RMST: variants seen among roughly 807,000 people sequenced by gnomAD.
RMST encodes rhabdomyosarcoma 2 associated transcript.
At chr12:97,524,075 C>CAAAA (rs537840796) in intron 10 of RMST, among the ~76,000 whole-genome samples, 2 of 56,130 alleles carry the variant, frequency 3.6e-5, no homozygotes, top group Non-Finnish European at 6.5e-5. Context: ...GACTCTGTCT[C>CAAAA]AAAAAAAAAA....
chr12:97,560,301 A>G (rs1362415974), intron 11 of RMST, among the ~76,000 whole-genome samples: 1 of 152,238 alleles, frequency 6.6e-6, no homozygotes, highest in East Asian at 1.9e-4. Context: ...AAAGTGTCTT[A>G]GAAAATAATG....
intron 10 of RMST, among the ~76,000 whole-genome samples, chr12:97,505,432 GT>G (rs1349161185): frequency 6.6e-6 from 1 of 152,218 alleles, no homozygotes; most frequent in Non-Finnish European, 1.5e-5. Context: ...CAGATGCTTG[GT>G]TCTGACAACA....
chr12:97,473,555 C>T (rs1372196957), intron 5 of RMST, among the ~76,000 whole-genome samples: 1 of 152,100 alleles, frequency 6.6e-6, no homozygotes, highest in Non-Finnish European at 1.5e-5. Flanking sequence ...GATAGGCTAA[C>T]ACATTCTATG....
chr12:97,470,121 C>G (rs536278230), intron 5 of RMST, among the ~76,000 whole-genome samples: 3 of 152,066 alleles, frequency 2.0e-5, no homozygotes, highest in African/African-American at 7.2e-5. Context: ...GGGTCAAAGC[C>G]GTTGGCTCCC....
At chr12:97,486,991 C>T (rs997476348) in intron 5 of RMST, among the ~76,000 whole-genome samples, 9 of 152,150 alleles carry the variant, frequency 5.9e-5, no homozygotes, top group African/African-American at 1.9e-4. Flanking sequence ...CAGGGAGATG[C>T]GGAGCCTGAG....
chr12:97,511,103 G>A (rs1227323664), intron 10 of RMST, among the ~76,000 whole-genome samples: 4 of 150,658 alleles, frequency 2.7e-5, no homozygotes, highest in Non-Finnish European at 5.9e-5. Flanking sequence ...CAGGGAAAAT[G>A]TTTAGTGGGC....
At chr12:97,525,373 G>T (rs892629024) in intron 10 of RMST, among the ~76,000 whole-genome samples, 1 of 152,132 alleles carries the variant, frequency 6.6e-6, no homozygotes, top group Non-Finnish European at 1.5e-5. Flanking sequence ...AGGCATTAGC[G>T]GGTGGATCAT....
intron 11 of RMST, among the ~76,000 whole-genome samples, chr12:97,543,717 G>A (rs1882726779): frequency 6.6e-6 from 1 of 151,882 alleles, no homozygotes; most frequent in Non-Finnish European, 1.5e-5. Flanking sequence ...GGTGGGGGCT[G>A]CTATTCTCCC....
intron 11 of RMST, among the ~76,000 whole-genome samples, chr12:97,547,533 C>T (rs1353982600): frequency 6.6e-6 from 1 of 152,090 alleles, no homozygotes; most frequent in Non-Finnish European, 1.5e-5. Flanking sequence ...ACTCCCCTTT[C>T]TACACATCCA....
chr12:97,537,256 T>C (rs758572729), intron 11 of RMST, among the ~76,000 whole-genome samples: 22 of 151,452 alleles, frequency 1.5e-4, no homozygotes, highest in Non-Finnish European at 3.0e-4. Context: ...TTAGAATTCA[T>C]TAACCATTTG....
At chr12:97,498,620 A>G (rs1319440565) in intron 10 of RMST, among the ~76,000 whole-genome samples, 1 of 152,118 alleles carries the variant, frequency 6.6e-6, no homozygotes, top group East Asian at 1.9e-4. Context: ...GTTGCCTAAA[A>G]TTACCTGATA....
In RMST at chr12:97,553,736, G is replaced by A. The variant is rs948503560; in HGVS notation, n.1546-6801G>A. Among the ~76,000 whole-genome samples the A allele has an allele frequency of 4.6e-5, 7 of 151,868 alleles. No individual in the cohort carries two copies. In the East Asian group the frequency reaches 1.4e-3, roughly 29 times the overall value. On this transcript the variant is annotated intron_variant and non_coding_transcript_variant, in intron 11 of 13. Transcript: ENST00000640149. ...TGTAGACTCAAATCAAATAAGCCTG[G>A]GTTTGAGTCCCAGCATCAATACCTA... is the stretch of plus-strand genomic sequence containing the variant.
chr12:97,484,749 G>A (rs1416296383), intron 5 of RMST, among the ~76,000 whole-genome samples: 1 of 152,130 alleles, frequency 6.6e-6, no homozygotes, highest in Admixed American at 6.5e-5. Context: ...TGTAAACTAA[G>A]ACTATTAATA....
intron 5 of RMST, among the ~76,000 whole-genome samples, chr12:97,480,089 C>CTTTTTTTTTTTT (rs369247317): frequency 1.1e-5 from 1 of 90,992 alleles, no homozygotes; most frequent in African/African-American, 3.8e-5. Flanking sequence ...TTTCTTTTTT[C>CTTTTTTTTTTTT]TTTTTTTTTC....
intron 11 of RMST, among the ~76,000 whole-genome samples, chr12:97,539,934 C>T (rs1882371590): frequency 6.6e-6 from 1 of 151,590 alleles, no homozygotes; most frequent in Non-Finnish European, 1.5e-5. Flanking sequence ...TGAATCTTGT[C>T]TTTGAACTCT....
In RMST at chr12:97,512,340, A is replaced by G. The variant is rs189665644; in HGVS notation, n.1340+16284A>G. ...GCAGCAAGATTTATTGCAAAGAGAG[A>G]AAGAACAAAGCTTCCACAGCGTGTA... On this transcript the variant is annotated intron_variant and non_coding_transcript_variant, in intron 10 of 13. Coordinates refer to ENST00000640149, the Ensembl canonical transcript of RMST. Among the ~76,000 whole-genome samples the G allele has an allele frequency of 1.1e-3, 166 of 152,270 alleles. 1 individual carries two copies. Among genetic ancestry groups the G allele is most frequent in the African/African-American group, 3.8e-3 (157 of 41,536 alleles).
chr12:97,547,808 T>C (rs1883046951), intron 11 of RMST, among the ~76,000 whole-genome samples: 3 of 152,114 alleles, frequency 2.0e-5, no homozygotes. Flanking sequence ...TTATCACATG[T>C]ATAGTTTGCA....
chr12:97,524,501 C>G (rs1398921207), intron 10 of RMST, among the ~76,000 whole-genome samples: 2 of 152,210 alleles, frequency 1.3e-5, no homozygotes, highest in African/African-American at 4.8e-5. Flanking sequence ...AATTATGATG[C>G]TGACAATGAC....
chr12:97,515,755 T>A (rs550683330), intron 10 of RMST, among the ~76,000 whole-genome samples: 1 of 152,068 alleles, frequency 6.6e-6, no homozygotes, highest in African/African-American at 2.4e-5. Flanking sequence ...GTCCCAGGGG[T>A]GGGGTAAGAA....
Sources: allele counts gnomAD v4.1 joint callset (sites outside exome capture counted in the v4.1 genomes callset), GRCh38; gene constraint gnomAD v4.1.1; transcripts MANE v1.5; gene names NCBI Gene and HGNC (gene_info 2026-07-23, HGNC 2026-07-21).